The following SIRPG variants were observed in gnomAD, a reference collection of about 807,000 sequenced individuals.
The protein encoded by SIRPG is signal-regulatory protein gamma.
SIRPG carries 38 observed loss-of-function variants against 35.7 expected under a neutral mutation model. The observed-to-expected ratio is 1.06, with a 90% CI of 0.82 to 1.40. The LOEUF (loss-of-function observed/expected upper bound fraction) is 1.40, where lower values mean the gene tolerates loss of function less well. Among genes scored for constraint, SIRPG ranks in the 40% most tolerant of loss-of-function variants. The pLI, the probability that SIRPG is intolerant of heterozygous loss-of-function variation, is 0.00. For synonymous variants in SIRPG, 215 were observed against 190.4 expected (o/e 1.13, Z -1.06); for missense variants, 519 against 483.0 (o/e 1.07, Z -0.70).
intron 2 of SIRPG, among the ~76,000 whole-genome samples, chr20:1,640,470 CTT>C (rs1402020888): frequency 3.3e-5 from 5 of 152,144 alleles, no homozygotes; most frequent in South Asian, 2.1e-4. Context: ...TATCCTGAGA[CTT>C]TGCTGAAGTT....
chr20:1,653,141 G>A (rs1202445832), intron 1 of SIRPG, among the ~76,000 whole-genome samples: 1 of 152,186 alleles, frequency 6.6e-6, no homozygotes, highest in East Asian at 1.9e-4. Context: ...ACACCCAAGA[G>A]CAGCAGCTGC....
At chr20:1,684,471 T>C in the SIRPG span, among the ~76,000 whole-genome samples, 1 of 152,174 alleles carries the variant, frequency 6.6e-6, no homozygotes, top group Admixed American at 6.5e-5. Flanking sequence ...GTCCTTATAC[T>C]ATATAAAGAT....
intron 1 of SIRPG, among the ~76,000 whole-genome samples, chr20:1,651,974 A>G (rs1298884090): frequency 6.6e-6 from 1 of 152,178 alleles, no homozygotes; most frequent in Non-Finnish European, 1.5e-5. Context: ...AATGTATTCT[A>G]CATTTACAAA....
the SIRPG span, among the ~76,000 whole-genome samples, chr20:1,674,687 G>A: frequency 3.2e-3 from 483 of 152,284 alleles, 3 homozygotes; most frequent in African/African-American, 0.011. Context: ...TGGGTTTGGT[G>A]CATGATTATC....
the SIRPG span, among the ~76,000 whole-genome samples, chr20:1,667,499 G>A: frequency 6.6e-6 from 1 of 152,132 alleles, no homozygotes; most frequent in Non-Finnish European, 1.5e-5. Context: ...TATTGCAAAA[G>A]GAAAAGAATA....
intron 4 of SIRPG, among the ~76,000 whole-genome samples, chr20:1,631,745 C>G (rs573594522): frequency 1.1e-4 from 16 of 152,332 alleles, no homozygotes; most frequent in African/African-American, 3.6e-4. Context: ...ATTGATAAAA[C>G]TTTCACTGGC....
chr20:1,657,846 A>ACT, upstream of SIRPG: 1 of 754,382 alleles, frequency 1.3e-6, no homozygotes, highest in East Asian at 2.7e-5. Flanking sequence ...ATGCAACAGT[A>ACT]ACCTGCTTCT....
intron 2 of SIRPG, among the ~76,000 whole-genome samples, chr20:1,644,905 C>G (rs780042863): frequency 6.6e-6 from 1 of 152,160 alleles, no homozygotes; most frequent in Non-Finnish European, 1.5e-5. Context: ...AACCTGGATA[C>G]TTCAGTTGGT....
At chr20:1,663,337 C>A in the SIRPG span, among the ~76,000 whole-genome samples, 2 of 152,014 alleles carry the variant, frequency 1.3e-5, no homozygotes, top group Non-Finnish European at 2.9e-5. Flanking sequence ...AAAAAAAAAT[C>A]ATCGTGACTG....
chr20:1,643,348 G>C (rs1346925319), intron 2 of SIRPG, among the ~76,000 whole-genome samples: 1 of 151,992 alleles, frequency 6.6e-6, no homozygotes, highest in Non-Finnish European at 1.5e-5. Context: ...CCTTTCTTCT[G>C]TTTGGTTGAT....
the SIRPG span, among the ~76,000 whole-genome samples, chr20:1,667,807 G>T: frequency 2.6e-5 from 4 of 152,148 alleles, no homozygotes; most frequent in African/African-American, 2.4e-5. Flanking sequence ...ATGAGCAAAG[G>T]GTCAGTTTGA....
chr20:1,683,991 A>T, the SIRPG span, among the ~76,000 whole-genome samples: 2 of 151,386 alleles, frequency 1.3e-5, no homozygotes, highest in Non-Finnish European at 2.9e-5. Context: ...AGAAGTAGAG[A>T]CTAGAGTGGT....
chr20:1,651,533 G>T (rs1021126847), intron 1 of SIRPG, among the ~76,000 whole-genome samples: 1 of 152,060 alleles, frequency 6.6e-6, no homozygotes, highest in Non-Finnish European at 1.5e-5. Context: ...TGCCTCTCCA[G>T]ATGAAATTCT....
Position 1,649,272 on chromosome 20 carries a change from A to G in SIRPG, c.210T>C (p.Val70=), listed in dbSNP as rs1263360518. The G allele has an allele frequency of 6.2e-7, 1 of 1,614,010 alleles. No homozygotes were observed. The highest frequency in any genetic ancestry group is 8.5e-7 in the Non-Finnish European group (1 of 1,180,026). Residue 70 remains valine (V), a synonymous_variant, in exon 2 of 6, where the codon GTT becomes GTC. Coordinates refer to ENST00000303415, the MANE Select transcript of SIRPG (RefSeq NM_018556.4). The stretch of plus-strand genomic sequence containing the variant: ...TGTAGATTAATTCCCGGCCTGGTCC[A>G]ACTCCTCTGAACCACAGGACGGGTC... ...PVGPVLWFRG[V]GPGRELIYNQ...
rs1291502231 is a variant in SIRPG, at chr20:1,629,534, T to C, written c.*105A>G. 1 of 152,284 alleles carries C rather than the reference T, an allele frequency of 6.6e-6. No individual in the cohort carries two copies. The highest frequency in any genetic ancestry group is 1.5e-5 in the Non-Finnish European group (1 of 68,138). 9.4% of individuals were successfully genotyped at this position (152,284 alleles called of 1,614,324 possible). ...GAGGGGAGATGTTTGGAGCCAAGTC[T>C]AGAGAAGCTTCTCACTGGCTCATTC... On this transcript the variant is annotated 3_prime_UTR_variant, in exon 6 of 6. Coordinates refer to ENST00000303415, the MANE Select transcript of SIRPG (RefSeq NM_018556.4).
At position 1,636,508 on chromosome 20, in the gene SIRPG, A is replaced by G; in HGVS notation, c.431-3T>C. On this transcript the variant is annotated splice_region_variant and splice_polypyrimidine_tract_variant and intron_variant, in intron 2 of 5. Transcript: ENST00000303415. ...TACCACGGGGGCAGAGGGTTTGGCT[A>G]CAAAAGGGGCATCGATAAACAGGAG... The G allele has an allele frequency of 6.2e-7, 1 of 1,613,988 alleles. No homozygotes were observed. The highest frequency in any genetic ancestry group is 1.1e-5 in the South Asian group (1 of 91,082).
At chr20:1,670,619 C>G in the SIRPG span, among the ~76,000 whole-genome samples, 1 of 152,156 alleles carries the variant, frequency 6.6e-6, no homozygotes, top group East Asian at 1.9e-4. Flanking sequence ...ATGAAACTAT[C>G]TAGCATAGAG....
At chr20:1,648,616 T>A (rs189093609) in intron 2 of SIRPG, 1 of 152,570 alleles carries the variant, frequency 6.6e-6, no homozygotes, top group Non-Finnish European at 1.5e-5. Context: ...AGTGAGTGCC[T>A]GTTGCAAACT....
chr20:1,677,503 G>GA, the SIRPG span, among the ~76,000 whole-genome samples: 1 of 152,134 alleles, frequency 6.6e-6, no homozygotes, highest in Non-Finnish European at 1.5e-5. Flanking sequence ...GAGTGACAGT[G>GA]ACATGCAGAA....
Sources: allele counts gnomAD v4.1 joint callset (sites outside exome capture counted in the v4.1 genomes callset), GRCh38; gene constraint gnomAD v4.1.1; transcripts MANE v1.5; gene names NCBI Gene and HGNC (gene_info 2026-07-23, HGNC 2026-07-21).